The following RAB27B variants were observed in gnomAD, a reference collection of about 807,000 sequenced individuals.
RAB27B encodes ras-related protein Rab-27B.
In RAB27B, 15 loss-of-function variants were observed where a neutral mutation model predicts 24.6. That is an observed-to-expected ratio of 0.61 (90% CI 0.41 to 0.94). RAB27B has a LOEUF of 0.94. Ranked by LOEUF, RAB27B falls within the 40% of genes least tolerant of loss-of-function variation. The pLI, the probability that RAB27B is intolerant of heterozygous loss-of-function variation, is 0.00. For synonymous variants in RAB27B, 105 were observed against 92.5 expected, an observed-to-expected ratio of 1.14 and a Z score of -0.78; for missense variants, 261 against 266.8, an observed-to-expected ratio of 0.98 and a Z score of 0.15.
intron 2 of RAB27B, among the ~76,000 whole-genome samples, chr18:54,732,435 G>T (rs764274879): frequency 6.6e-6 from 1 of 152,164 alleles, no homozygotes; most frequent in Non-Finnish European, 1.5e-5. Context: ...TTAGAAATAA[G>T]AAGCCTGAGA....
intron 1 of RAB27B, among the ~76,000 whole-genome samples, chr18:54,846,230 G>T (rs1011313250): frequency 7.9e-5 from 12 of 152,116 alleles, no homozygotes; most frequent in African/African-American, 2.4e-4. Flanking sequence ...TGAGTTCAGT[G>T]TTAACAAATC....
At chr18:54,817,992 C>G in intron 2 of RAB27B, among the ~76,000 whole-genome samples, 1 of 151,984 alleles carries the variant, frequency 6.6e-6, no homozygotes, top group East Asian at 1.9e-4. Flanking sequence ...CCTATTGAGC[C>G]CCCATTGAAG....
At chr18:54,750,253 T>C (rs1440653265) in intron 2 of RAB27B, among the ~76,000 whole-genome samples, 1 of 152,210 alleles carries the variant, frequency 6.6e-6, no homozygotes, top group Non-Finnish European at 1.5e-5. Flanking sequence ...ACAAATATTC[T>C]ATTTACAGTC....
At chr18:54,878,351 G>A (rs995275723) in intron 2 of RAB27B, among the ~76,000 whole-genome samples, 3 of 152,170 alleles carry the variant, frequency 2.0e-5, no homozygotes, top group African/African-American at 7.2e-5. Flanking sequence ...CATGTGAGAT[G>A]TGTAGCATAG....
intron 2 of RAB27B, among the ~76,000 whole-genome samples, chr18:54,789,557 T>C (rs946611517): frequency 6.6e-6 from 1 of 152,132 alleles, no homozygotes; most frequent in Non-Finnish European, 1.5e-5. Context: ...AAATACAGGT[T>C]TCATATGTCT....
At chr18:54,726,705 G>T (rs1279125958) in intron 2 of RAB27B, among the ~76,000 whole-genome samples, 3 of 151,522 alleles carry the variant, frequency 2.0e-5, no homozygotes, top group Admixed American at 6.6e-5. Context: ...AACATATTAT[G>T]ATTTATATGA....
intron 2 of RAB27B, among the ~76,000 whole-genome samples, chr18:54,784,054 T>TA (rs1909003144): frequency 6.6e-6 from 1 of 152,144 alleles, no homozygotes; most frequent in Non-Finnish European, 1.5e-5. Flanking sequence ...GAGTTATCCA[T>TA]AGGGAGTTCA....
At chr18:54,753,751 G>T (rs1907911592) in intron 2 of RAB27B, among the ~76,000 whole-genome samples, 1 of 152,186 alleles carries the variant, frequency 6.6e-6, no homozygotes. Flanking sequence ...TATGTTAATT[G>T]CTTGGTAATT....
At chr18:54,780,715 C>T (rs573601758) in intron 2 of RAB27B, among the ~76,000 whole-genome samples, 5 of 152,250 alleles carry the variant, frequency 3.3e-5, no homozygotes, top group African/African-American at 1.2e-4. Flanking sequence ...GTTAGGATTT[C>T]AACATACAGA....
chr18:54,824,415 C>T (rs1255468628), upstream of RAB27B, among the ~76,000 whole-genome samples: 1 of 152,194 alleles, frequency 6.6e-6, no homozygotes, highest in Non-Finnish European at 1.5e-5. Flanking sequence ...TCATACAATA[C>T]AAGTTTACTT....
chr18:54,824,560 C>T (rs9945718), upstream of RAB27B, among the ~76,000 whole-genome samples: 3 of 152,124 alleles, frequency 2.0e-5, no homozygotes, highest in Admixed American at 6.5e-5. Flanking sequence ...TTCGCATCTG[C>T]GCACTAGTAA....
intron 2 of RAB27B, among the ~76,000 whole-genome samples, chr18:54,723,037 G>C (rs1909410307): frequency 6.6e-6 from 1 of 152,182 alleles, no homozygotes; most frequent in Non-Finnish European, 1.5e-5. Flanking sequence ...GTCTGTGATG[G>C]GTTTGGACTT....
intron 2 of RAB27B, among the ~76,000 whole-genome samples, chr18:54,770,923 T>G (rs1908526443): frequency 6.6e-6 from 1 of 152,198 alleles, no homozygotes. Context: ...TGCATTATAT[T>G]TATATGTTAA....
intron 2 of RAB27B, among the ~76,000 whole-genome samples, chr18:54,756,439 A>T (rs1908008600): frequency 6.6e-6 from 1 of 152,092 alleles, no homozygotes; most frequent in African/African-American, 2.4e-5. Flanking sequence ...CTGCCCCTAA[A>T]ATACTGCTTT....
chr18:54,881,503 C>A (rs116048607), intron 3 of RAB27B, among the ~76,000 whole-genome samples: 1 of 152,036 alleles, frequency 6.6e-6, no homozygotes, highest in African/African-American at 2.4e-5. Context: ...CGGTTCCAGT[C>A]GATTTCAGCC....
At chr18:54,875,578 AATCC>A (rs1419621699) in intron 1 of RAB27B, among the ~76,000 whole-genome samples, 8 of 151,922 alleles carry the variant, frequency 5.3e-5, no homozygotes, top group Non-Finnish European at 7.4e-5. Flanking sequence ...GGTCAGCAAA[AATCC>A]ATCCAGAGAG....
chr18:54,874,755 G>T (rs4801105), intron 1 of RAB27B, among the ~76,000 whole-genome samples: 147,745 of 152,224 alleles, frequency 0.97, 71,851 homozygotes, highest in East Asian at 1. Context: ...TACTAATATC[G>T]TATAATAAAT....
intron 2 of RAB27B, among the ~76,000 whole-genome samples, chr18:54,774,148 C>A (rs34033618): frequency 0.011 from 1,749 of 152,326 alleles, 20 homozygotes; most frequent in Non-Finnish European, 0.019. Context: ...TCTCAACCAG[C>A]ATTCTACTCT....
intron 1 of RAB27B, among the ~76,000 whole-genome samples, chr18:54,851,279 A>G (rs1911576659): frequency 6.6e-6 from 1 of 152,272 alleles, no homozygotes; most frequent in Admixed American, 6.5e-5. Context: ...TTTCAACTTT[A>G]TAATAGTGTT....
Sources: gnomAD v4.1 joint callset for allele counts (sites outside exome capture counted in the v4.1 genomes callset) on GRCh38, gnomAD v4.1.1 for gene constraint, MANE v1.5 for transcripts, NCBI Gene and HGNC (gene_info 2026-07-23, HGNC 2026-07-21) for gene names.